Variants in TTC28 observed in about 807,000 individuals in gnomAD.
TTC28 encodes the protein tetratricopeptide repeat domain 28.
A neutral mutation model predicts 198.0 loss-of-function variants in TTC28; 61 were observed. The observed-to-expected ratio is 0.31, with a 90% CI of 0.25 to 0.38. The LOEUF is 0.38. TTC28 is among the 10% of genes least tolerant of loss of function. The pLI, the probability that TTC28 is intolerant of heterozygous loss-of-function variation, is 1.00. For synonymous variants in TTC28, 1,171 were observed against 1,297.8 expected (o/e 0.90, Z 2.10); for missense variants, 2,678 against 3,164.0 (o/e 0.85, Z 3.69).
At chr22:28,659,277 AT>A (rs1321532997) in intron 1 of TTC28, among the ~76,000 whole-genome samples, 1 of 151,654 alleles carries the variant, frequency 6.6e-6, no homozygotes, top group Admixed American at 6.6e-5. Context: ...ACTCAAATTA[AT>A]TTTTTTTTGA....
At chr22:28,283,015 C>T (rs2145740137) in intron 5 of TTC28, among the ~76,000 whole-genome samples, 1 of 152,220 alleles carries the variant, frequency 6.6e-6, no homozygotes, top group East Asian at 1.9e-4. Flanking sequence ...AAAAGTCAGA[C>T]TCAGCCGATT....
intron 2 of TTC28, among the ~76,000 whole-genome samples, chr22:28,558,893 G>C (rs1405833135): frequency 1.3e-5 from 2 of 151,624 alleles, no homozygotes; most frequent in African/African-American, 4.8e-5. Flanking sequence ...AAATTAGCTG[G>C]GTATGGTGGC....
chr22:28,312,265 G>A (rs2045274829), intron 2 of TTC28, among the ~76,000 whole-genome samples: 1 of 152,066 alleles, frequency 6.6e-6, no homozygotes, highest in Non-Finnish European at 1.5e-5. Flanking sequence ...CAATAATAGT[G>A]GGAGACTTTA....
chr22:28,169,340 T>G (rs1922396656), intron 5 of TTC28, among the ~76,000 whole-genome samples: 2 of 152,200 alleles, frequency 1.3e-5, no homozygotes, highest in South Asian at 4.1e-4. Flanking sequence ...CCCAAAGGAT[T>G]ATAAATCATG....
rs766709631 is a variant in TTC28 at position 28,105,384 on chromosome 22, C to T, written c.3202G>A (p.Ala1068Thr). ...VYQEQHLSIA[A>T]QMNDLAAKTV... ...TTGGCCGCCAAGTCATTCATCTGTG[C>T]AGCAATGCTCAAGTGCTGTTCTTGA... The change falls in exon 8 of 23, where the codon GCA (alanine) becomes ACA (threonine). Residue 1068 changes from alanine (A) to threonine (T), a missense_variant. Around this residue, in one of 8 missense-constraint regions of TTC28, gnomAD observed 727 missense variants for 861.9 expected, o/e 0.84. Transcript: ENST00000397906. The T allele has an allele frequency of 1.9e-6, 3 of 1,551,740 alleles. No individual in the cohort carries two copies. The highest frequency in any genetic ancestry group is 1.7e-6 in the Non-Finnish European group (2 of 1,147,006).
Position 28,043,242 on chromosome 22 carries a change from C to CAAAAAAAAAAAAAAAAAAAAAAAAAAAA in TTC28, c.3933-12877_3933-12876insTTTTTTTTTTTTTTTTTTTTTTTTTTTT, listed in dbSNP as rs11362041. Among the ~76,000 whole-genome samples, 4 of 65,568 alleles carry CAAAAAAAAAAAAAAAAAAAAAAAAAAAA rather than the reference C, an allele frequency of 6.1e-5. 1 individual carries two copies. Among genetic ancestry groups the CAAAAAAAAAAAAAAAAAAAAAAAAAAAA allele is most frequent in the African/African-American group, 1.2e-4 (2 of 16,412 alleles). The allele number at this position is 65,568 out of a possible 152,430, so 43.0% of individuals were successfully genotyped here. ...TGCATAACAGAGTAAGACTCCATCT[C>CAAAAAAAAAAAAAAAAAAAAAAAAAAAA]AAAAAAAAAAAAAAAAAAAAAAAAA... On this transcript the variant is annotated intron_variant, in intron 12 of 22. Transcript: ENST00000397906.
chr22:28,038,426 C>T (rs1471081769), intron 12 of TTC28, among the ~76,000 whole-genome samples: 2 of 152,150 alleles, frequency 1.3e-5, no homozygotes, highest in African/African-American at 2.4e-5. Context: ...GGAAAGGATT[C>T]CCTATTTAAT....
intron 5 of TTC28, among the ~76,000 whole-genome samples, chr22:28,247,477 G>A (rs1308646595): frequency 1.3e-5 from 2 of 151,836 alleles, no homozygotes; most frequent in African/African-American, 4.9e-5. Context: ...GGGTAGGTGA[G>A]AAAAGAGATG....
chr22:28,319,541 G>A (rs144343802), intron 2 of TTC28, among the ~76,000 whole-genome samples: 188 of 152,254 alleles, frequency 1.2e-3, no homozygotes, highest in Non-Finnish European at 1.1e-3. Flanking sequence ...ACTGTGGTGT[G>A]GGATGTCAAT....
At position 27,992,350 on chromosome 22, in the gene TTC28, C is replaced by G. The variant is rs77645555; in HGVS notation, c.5553+237G>C. 5.0e-3 allele frequency: 2,775 copies of G among 555,088 alleles called. 86 individuals are homozygous for G. The highest frequency in any genetic ancestry group is 0.049 in the African/African-American group (2,608 of 52,930). The allele number at this position is 555,088 out of a possible 1,614,324, so 34.4% of individuals were successfully genotyped here. ...TCTGCTGGTACGACCTCCCATCATGCCGGTAAGGGGCAGTGCCGCTGGCAC... is the reference window on the plus strand; with the variant it reads ...TCTGCTGGTACGACCTCCCATCATGGCGGTAAGGGGCAGTGCCGCTGGCAC... On this transcript the variant is annotated intron_variant, in intron 19 of 22. Transcript: ENST00000397906.
intron 5 of TTC28, among the ~76,000 whole-genome samples, chr22:28,272,636 G>A (rs73168148): frequency 0.032 from 4,828 of 152,262 alleles, 114 homozygotes; most frequent in Middle Eastern, 0.058. Flanking sequence ...TTCATTTGCC[G>A]AAAATAACTT....
intron 5 of TTC28, among the ~76,000 whole-genome samples, chr22:28,225,821 A>G (rs2147215244): frequency 6.6e-6 from 1 of 152,236 alleles, no homozygotes. Context: ...GCAACCACTG[A>G]TTTGCTTTCT....
intron 2 of TTC28, among the ~76,000 whole-genome samples, chr22:28,561,443 A>C (rs2049878913): frequency 6.6e-6 from 1 of 152,142 alleles, no homozygotes; most frequent in Non-Finnish European, 1.5e-5. Flanking sequence ...TACTGAAAAT[A>C]TACTTTATAT....
intron 19 of TTC28, among the ~76,000 whole-genome samples, chr22:27,991,397 G>A (rs1937402256): frequency 6.6e-6 from 1 of 152,176 alleles, no homozygotes; most frequent in South Asian, 2.1e-4. Flanking sequence ...GTGTCTTCCT[G>A]ATGCTATTCA....
rs1323222417 is a variant in TTC28 at position 28,189,325 on chromosome 22, A to G, written c.934-25726T>C. 2.0e-5 allele frequency among the ~76,000 whole-genome samples: 3 copies of G among 152,202 alleles called. No individual in the cohort carries two copies. The East Asian group carries it at 5.8e-4, about 29-fold the overall frequency. ...TTTAAATGACAGCATAAAATAATAC[A>G]TGAAGTAGAACAAATCCAAGAAGAA... On this transcript the variant is annotated intron_variant, in intron 5 of 22. Coordinates refer to ENST00000397906, the MANE Select transcript of TTC28 (RefSeq NM_001145418.2).
intron 5 of TTC28, among the ~76,000 whole-genome samples, chr22:28,165,147 G>C (rs1319883608): frequency 1.3e-5 from 2 of 152,132 alleles, no homozygotes; most frequent in Non-Finnish European, 2.9e-5. Flanking sequence ...AAAAAGAAAT[G>C]AACAAAGCCT....
At chr22:28,152,456 C>T (rs1002979684) in intron 6 of TTC28, among the ~76,000 whole-genome samples, 11 of 152,176 alleles carry the variant, frequency 7.2e-5, no homozygotes, top group South Asian at 2.1e-4. Flanking sequence ...GTGGAAAGAT[C>T]TGTGGACTTG....
intron 2 of TTC28, among the ~76,000 whole-genome samples, chr22:28,507,974 T>G (rs1183109763): frequency 6.6e-6 from 1 of 152,158 alleles, no homozygotes; most frequent in African/African-American, 2.4e-5. Context: ...CATAGACCAG[T>G]GACACTATGA....
At chr22:28,029,697 A>G (rs1284698601) in intron 13 of TTC28, among the ~76,000 whole-genome samples, 1 of 152,180 alleles carries the variant, frequency 6.6e-6, no homozygotes, top group Non-Finnish European at 1.5e-5. Flanking sequence ...ATTAAGGCCT[A>G]TTTGGTCAAG....
Sources: allele counts gnomAD v4.1 joint callset (sites outside exome capture counted in the v4.1 genomes callset), GRCh38; gene constraint gnomAD v4.1.1; regional missense constraint gnomAD v4.1.1; transcripts MANE v1.5; gene names NCBI Gene and HGNC (gene_info 2026-07-23, HGNC 2026-07-21).